DOP1B: variants seen among roughly 807,000 people sequenced by gnomAD.
The protein encoded by DOP1B is protein DOP1B.
A neutral mutation model predicts 233.5 loss-of-function variants in DOP1B; 174 were observed. The ratio of observed to expected loss-of-function variants is 0.75; its 90% CI spans 0.66 to 0.85. The LOEUF is 0.85. Among genes scored for constraint, DOP1B ranks in the 40% least tolerant of loss-of-function variants. The pLI is 0.00. For missense variants in DOP1B, 2,652 were observed against 2,846.6 expected (o/e 0.93, Z 1.56); for synonymous variants, 1,190 against 1,185.6 (o/e 1.00, Z -0.08).
At chr21:36,256,954 G>A (rs1601455306) in intron 23 of DOP1B, among the ~76,000 whole-genome samples, 1 of 152,072 alleles carries the variant, frequency 6.6e-6, no homozygotes, top group African/African-American at 2.4e-5. Context: ...ATCCCACAGG[G>A]TGAGGGCTCA....
intron 2 of DOP1B, chr21:36,168,956 A>G (rs371004577): frequency 3.9e-4 from 270 of 695,364 alleles, no homozygotes; most frequent in African/African-American, 3.9e-3. Flanking sequence ...CAGGTGCAAA[A>G]CCTGTTCCTG....
intron 10 of DOP1B, among the ~76,000 whole-genome samples, chr21:36,221,148 T>C (rs1425424177): frequency 6.6e-6 from 1 of 152,150 alleles, no homozygotes; most frequent in African/African-American, 2.4e-5. Context: ...TGAGTAGCTC[T>C]ACACTATTCT....
At chr21:36,201,702 T>G (rs560075403) in intron 4 of DOP1B, among the ~76,000 whole-genome samples, 10 of 152,206 alleles carry the variant, frequency 6.6e-5, no homozygotes, top group Admixed American at 4.6e-4. Context: ...GCTTCTAAAT[T>G]AAAAAGCAAA....
intron 36 of DOP1B, among the ~76,000 whole-genome samples, chr21:36,293,040 C>CTACAAAAA (rs1257127039): frequency 6.6e-6 from 1 of 151,950 alleles, no homozygotes; most frequent in Non-Finnish European, 1.5e-5. Flanking sequence ...AACTCCATCT[C>CTACAAAAA]TACAAAAATA....
rs73375755 is a variant in DOP1B at position 36,190,908 on chromosome 21, C to T, written c.139-8162C>T. Among the ~76,000 whole-genome samples, 1,441 of 152,270 alleles carry T rather than the reference C, an allele frequency of 9.5e-3. 16 individuals carry two copies. Among genetic ancestry groups the T allele is most frequent in the African/African-American group, 0.033 (1,369 of 41,540 alleles). ...TGAGAAAGGTAGTGTGAGGGTGGCA[C>T]ACCTGTTTTGTGCTAATTCCAGTCT... On this transcript the variant is annotated intron_variant, in intron 2 of 36. Coordinates refer to ENST00000691173, the MANE Select transcript of DOP1B (RefSeq NM_001320714.2).
intron 11 of DOP1B, among the ~76,000 whole-genome samples, chr21:36,223,684 A>G (rs1003273910): frequency 2.6e-5 from 4 of 152,172 alleles, no homozygotes; most frequent in Admixed American, 6.5e-5. Flanking sequence ...AAAGCAGCTT[A>G]GTTTTGTGGC....
At chr21:36,198,524 C>T (rs568516649) in intron 2 of DOP1B, among the ~76,000 whole-genome samples, 26 of 152,284 alleles carry the variant, frequency 1.7e-4, no homozygotes, top group Middle Eastern at 3.4e-3. Context: ...AGGACAGCAT[C>T]GATCTGTTCA....
At chr21:36,279,728 C>A (rs563580349) in intron 30 of DOP1B, among the ~76,000 whole-genome samples, 48 of 152,292 alleles carry the variant, frequency 3.2e-4, no homozygotes, top group Middle Eastern at 3.4e-3. Context: ...AGCCAGAGTG[C>A]CTTGTCAGTT....
intron 20 of DOP1B, 33 bp downstream of exon 20, chr21:36,247,661 T>A (rs1291508778): frequency 6.9e-7 from 1 of 1,459,696 alleles, no homozygotes; most frequent in Non-Finnish European, 9.4e-7. Context: ...TTCAAGGCAA[T>A]TTTCATGTAT....
chr21:36,177,454 G>T (rs2066044383), intron 2 of DOP1B, among the ~76,000 whole-genome samples: 1 of 152,182 alleles, frequency 6.6e-6, no homozygotes, highest in African/African-American at 2.4e-5. Flanking sequence ...GGTCTGCTGT[G>T]GGGCTGGAGG....
At chr21:36,284,076 T>C (rs1184104108) in intron 32 of DOP1B, among the ~76,000 whole-genome samples, 2 of 150,346 alleles carry the variant, frequency 1.3e-5, no homozygotes, top group African/African-American at 4.9e-5. Context: ...GCCTCCAAAG[T>C]AGCTGAGATT....
chr21:36,226,949 T>C (rs62229351), intron 12 of DOP1B, among the ~76,000 whole-genome samples: 86,005 of 151,696 alleles, frequency 0.57, 25,289 homozygotes, highest in East Asian at 0.76. Flanking sequence ...CTCACGTCTG[T>C]AATCCCAGCA....
At chr21:36,258,404 CAAAA>C (rs1218861613) in intron 23 of DOP1B, among the ~76,000 whole-genome samples, 4 of 150,482 alleles carry the variant, frequency 2.7e-5, no homozygotes, top group Admixed American at 1.3e-4. Context: ...TGTCTGAAAA[CAAAA>C]GAAAGACTTT....
intron 23 of DOP1B, among the ~76,000 whole-genome samples, chr21:36,256,280 T>C (rs908670361): frequency 1.3e-5 from 2 of 151,946 alleles, no homozygotes; most frequent in African/African-American, 4.8e-5. Flanking sequence ...ATCTCTACAG[T>C]AAATTTAAAA....
chr21:36,218,674 C>A (rs1479104333), intron 9 of DOP1B, among the ~76,000 whole-genome samples: 1 of 152,160 alleles, frequency 6.6e-6, no homozygotes, highest in Non-Finnish European at 1.5e-5. Flanking sequence ...ACAGAGCTTT[C>A]ATTTTCTCTG....
intron 6 of DOP1B, 37 bp from the exon 7 acceptor site, chr21:36,211,937 C>T (rs368796697): frequency 9.3e-5 from 150 of 1,613,290 alleles, no homozygotes; most frequent in Non-Finnish European, 1.2e-4. Context: ...TCTGCCCTAT[C>T]ATTCCCTTGC....
At chr21:36,182,168 G>C (rs2242814) in intron 2 of DOP1B, among the ~76,000 whole-genome samples, 35,608 of 152,010 alleles carry the variant, frequency 0.23, 4,478 homozygotes, top group African/African-American at 0.34. Flanking sequence ...GCAGGAAGGA[G>C]CCCGGAATTG....
chr21:36,293,157 GATCACGCT>G lies in DOP1B; in HGVS notation c.6646-162_6646-155del, dbSNP rs372589023. On this transcript the variant is annotated intron_variant, in intron 36 of 36. Transcript: ENST00000691173. ...GGAGACAGAGGTTGCAGTGAGCCAA[GATCACGCT>G]GCTGCACTCCAGCCTGGGCGACAGA... Among the ~76,000 whole-genome samples the G allele has an allele frequency of 5.0e-3, 747 of 149,594 alleles. 7 individuals are homozygous for G. The highest frequency in any genetic ancestry group is 0.017 in the African/African-American group (699 of 40,580).
chr21:36,233,857 T>G (rs774556688), intron 15 of DOP1B, among the ~76,000 whole-genome samples: 2 of 152,070 alleles, frequency 1.3e-5, no homozygotes, highest in African/African-American at 4.8e-5. Context: ...ATTGACTTTT[T>G]TTGTTGTTGT....
Sources: gnomAD v4.1 joint callset for allele counts (sites outside exome capture counted in the v4.1 genomes callset) on GRCh38, gnomAD v4.1.1 for gene constraint, MANE v1.5 for transcripts, NCBI Gene and HGNC (gene_info 2026-07-23, HGNC 2026-07-21) for gene names.